The following GRK5 variants were observed in gnomAD, a reference collection of about 807,000 sequenced individuals.
The protein encoded by GRK5 is G protein-coupled receptor kinase 5.
In GRK5, 40 loss-of-function variants were observed where a neutral mutation model predicts 78.4. The ratio of observed to expected loss-of-function variants is 0.51; its 90% CI spans 0.40 to 0.66. The LOEUF (loss-of-function observed/expected upper bound fraction) is 0.66, where lower values mean the gene tolerates loss of function less well. Ranked by LOEUF, GRK5 falls within the 30% of genes least tolerant of loss-of-function variation. The pLI, the probability that GRK5 is intolerant of heterozygous loss-of-function variation, is 0.00. For missense variants in GRK5, 598 were observed against 759.9 expected, an observed-to-expected ratio of 0.79 and a Z score of 2.50; for synonymous variants, 289 against 296.8, an observed-to-expected ratio of 0.97 and a Z score of 0.27.
chr10:119,443,566 G>A lies in GRK5; in HGVS notation c.1080G>A (p.Gln360=). 6.2e-7 allele frequency: 1 copy of A among 1,609,326 alleles called. No homozygotes were observed. Among genetic ancestry groups the A allele is most frequent in the Non-Finnish European group, 8.5e-7 (1 of 1,176,078 alleles). The part of the protein sequence containing the change: ...GYMAPEVLNN[Q]RYGLSPDYWG... ...CAGCTCCAGAGGTCCTGAACAACCA[G>A]AGGTACGGCCTGAGCCCCGACTACT... The change falls in exon 12 of 16, where the codon CAG becomes CAA. Residue 360 remains glutamine (Q), a synonymous_variant. Coordinates refer to ENST00000392870, the MANE Select transcript of GRK5 (RefSeq NM_005308.3).
chr10:119,292,266 C>T (rs1253605006), intron 1 of GRK5, among the ~76,000 whole-genome samples: 1 of 146,652 alleles, frequency 6.8e-6, no homozygotes, highest in African/African-American at 2.5e-5. Flanking sequence ...CTTCCTCTTC[C>T]TCCTCCTTCT....
chr10:119,441,934 A>G (rs1853044465), intron 10 of GRK5, 65 bp from the exon 11 acceptor site: 1 of 1,329,800 alleles, frequency 7.5e-7, no homozygotes, highest in South Asian at 1.2e-5. Context: ...GCCCAAGGGC[A>G]CACAGCAAGG....
intron 1 of GRK5, among the ~76,000 whole-genome samples, chr10:119,322,057 T>A (rs1850594806): frequency 6.6e-6 from 1 of 152,236 alleles, no homozygotes; most frequent in South Asian, 2.1e-4. Flanking sequence ...CATAGCTCAC[T>A]GCAGCCTTGA....
chr10:119,354,613 AT>A, intron 2 of GRK5, among the ~76,000 whole-genome samples: 1 of 152,030 alleles, frequency 6.6e-6, no homozygotes, highest in Middle Eastern at 3.4e-3. Context: ...TGTTGCCCAG[AT>A]TGGTCTCAAA....
intron 1 of GRK5, among the ~76,000 whole-genome samples, chr10:119,225,668 CTCTTT>C (rs1213350013): frequency 9.9e-6 from 1 of 100,802 alleles, no homozygotes; most frequent in Non-Finnish European, 2.0e-5. Context: ...TTCTCTCTCT[CTCTTT>C]TTTTTTTTTT....
intron 13 of GRK5, among the ~76,000 whole-genome samples, chr10:119,449,692 G>T (rs543126459): frequency 1.2e-4 from 19 of 152,316 alleles, no homozygotes; most frequent in African/African-American, 4.6e-4. Flanking sequence ...GGGAGGCTGA[G>T]GCAGGAGAAT....
At chr10:119,211,973 C>G (rs1000292804) in intron 1 of GRK5, among the ~76,000 whole-genome samples, 2 of 152,204 alleles carry the variant, frequency 1.3e-5, no homozygotes, top group African/African-American at 2.4e-5. Flanking sequence ...CTCTGAAGCT[C>G]AAAGCCCTCT....
At chr10:119,278,880 C>A (rs1157361187) in intron 1 of GRK5, among the ~76,000 whole-genome samples, 1 of 152,040 alleles carries the variant, frequency 6.6e-6, no homozygotes, top group African/African-American at 2.4e-5. Flanking sequence ...GTGTCCTGAC[C>A]TCTTCTTTTT....
At chr10:119,309,791 C>T (rs1349051593) in intron 1 of GRK5, among the ~76,000 whole-genome samples, 1 of 152,102 alleles carries the variant, frequency 6.6e-6, no homozygotes, top group Non-Finnish European at 1.5e-5. Flanking sequence ...TTCTTAGGAC[C>T]CAGCTCTTGC....
chr10:119,382,943 A>G (rs1851737012), intron 3 of GRK5, among the ~76,000 whole-genome samples: 1 of 151,172 alleles, frequency 6.6e-6, no homozygotes, highest in African/African-American at 2.4e-5. Context: ...TGTTTTTGAG[A>G]TGGAGTCTCG....
intron 1 of GRK5, among the ~76,000 whole-genome samples, chr10:119,293,553 G>A (rs1438542218): frequency 6.6e-6 from 1 of 152,186 alleles, no homozygotes. Flanking sequence ...CTTTGGCCGT[G>A]GGCATTGGGA....
At chr10:119,433,500 C>T (rs1219754521) in intron 8 of GRK5, among the ~76,000 whole-genome samples, 2 of 152,150 alleles carry the variant, frequency 1.3e-5, no homozygotes, top group Admixed American at 1.3e-4. Context: ...CACGATGTCA[C>T]CTCCTGGATC....
At chr10:119,394,404 G>GTA (rs1467653197) in intron 3 of GRK5, among the ~76,000 whole-genome samples, 5 of 50,324 alleles carry the variant, frequency 9.9e-5, no homozygotes, top group South Asian at 6.9e-4. Flanking sequence ...CTGTGTGTGG[G>GTA]CATGTGTGTG....
intron 1 of GRK5, among the ~76,000 whole-genome samples, chr10:119,243,415 C>A (rs574206321): frequency 1.3e-5 from 2 of 152,186 alleles, no homozygotes; most frequent in South Asian, 4.2e-4. Context: ...ATTACAAAAT[C>A]CCAACTATAG....
intron 1 of GRK5, among the ~76,000 whole-genome samples, chr10:119,324,102 G>A (rs1214252966): frequency 1.3e-5 from 2 of 152,210 alleles, no homozygotes; most frequent in Non-Finnish European, 2.9e-5. Flanking sequence ...TGGCTGCCGC[G>A]TCACTCCTGA....
intron 3 of GRK5, among the ~76,000 whole-genome samples, chr10:119,393,465 A>G (rs1019541439): frequency 5.3e-5 from 8 of 152,266 alleles, no homozygotes; most frequent in Non-Finnish European, 8.8e-5. Context: ...TTGGTTAAAT[A>G]GAGCCACCTT....
rs112475529 is a variant in GRK5 at position 119,207,597 on chromosome 10, C to A, written c.-321C>A. On this transcript the variant is annotated 5_prime_UTR_variant, in exon 1 of 16. Coordinates refer to ENST00000392870, the MANE Select transcript of GRK5 (RefSeq NM_005308.3). Reference sequence around the variant, plus strand: ...GAAGCATCCGAGGCATTAAAGCATCCGAGGGAGCCGGAGGGGAGGAGAATG... The same window carrying A: ...GAAGCATCCGAGGCATTAAAGCATCAGAGGGAGCCGGAGGGGAGGAGAATG... 1 of 296,946 alleles carries A rather than the reference C, an allele frequency of 3.4e-6. No individual in the cohort carries two copies. The highest frequency in any genetic ancestry group is 6.3e-6 in the Non-Finnish European group (1 of 158,974). The allele number at this position is 296,946 out of a possible 1,614,324, so 18.4% of individuals were successfully genotyped here. A position where few individuals can be genotyped will look rare whatever the true frequency, so the allele number is the denominator to read the frequency against.
chr10:119,230,830 C>CAAA (rs5788332), intron 1 of GRK5, among the ~76,000 whole-genome samples: 650 of 60,594 alleles, frequency 0.011, 26 homozygotes, highest in Middle Eastern at 0.03. Flanking sequence ...GACCCTATCT[C>CAAA]AAAAAAAAAA....
chr10:119,414,832 A>G (rs1322658964), intron 4 of GRK5, among the ~76,000 whole-genome samples: 1 of 152,188 alleles, frequency 6.6e-6, no homozygotes, highest in Middle Eastern at 3.2e-3. Flanking sequence ...CTGTAATCCC[A>G]GCACTTTGGG....
Sources: allele counts gnomAD v4.1 joint callset (sites outside exome capture counted in the v4.1 genomes callset), GRCh38; gene constraint gnomAD v4.1.1; transcripts MANE v1.5; gene names NCBI Gene and HGNC (gene_info 2026-07-23, HGNC 2026-07-21).